MAP2K5: variants seen among roughly 807,000 people sequenced by gnomAD.
The protein encoded by MAP2K5 is dual specificity mitogen-activated protein kinase kinase 5.
MAP2K5 carries 49 observed loss-of-function variants against 83.1 expected under a neutral mutation model. The ratio of observed to expected loss-of-function variants is 0.59; its 90% CI spans 0.47 to 0.75. The LOEUF (loss-of-function observed/expected upper bound fraction) is 0.75, where lower values mean the gene tolerates loss of function less well. Ranked by LOEUF, MAP2K5 falls within the 30% of genes least tolerant of loss-of-function variation. The probability of loss-of-function intolerance (pLI) is 0.00; values close to 1 mark genes in which losing one functional copy is unlikely to be tolerated. For missense variants in MAP2K5, 457 were observed against 557.5 expected, an observed-to-expected ratio of 0.82 and a Z score of 1.82; for synonymous variants, 202 against 191.8, an observed-to-expected ratio of 1.05 and a Z score of -0.44.
At chr15:67,600,508 G>C (rs932623704) in intron 7 of MAP2K5, among the ~76,000 whole-genome samples, 177 bp from the exon 8 acceptor site, 3 of 151,994 alleles carry the variant, frequency 2.0e-5, no homozygotes, top group African/African-American at 7.3e-5. Context: ...CCATCACTTC[G>C]TCCCTTGGTA....
Position 67,559,070 on chromosome 15 carries a change from C to T in MAP2K5, c.185-4213C>T, listed in dbSNP as rs114318942. Among the ~76,000 whole-genome samples the T allele has an allele frequency of 9.4e-3, 1,429 of 152,316 alleles. 28 individuals are homozygous for T. Among genetic ancestry groups the T allele is most frequent in the African/African-American group, 0.033 (1,353 of 41,566 alleles). On this transcript the variant is annotated intron_variant, in intron 2 of 21. Transcript: ENST00000178640. The surrounding 1 kb of genome is among the most constrained non-coding windows in gnomAD (Gnocchi z 4.7). Reference sequence around the variant, plus strand: ...CTGGTCCTGCCCACGTCATTAACTCCGTGCCTGAGAAGGGCTTTAAACATG... The same window carrying T: ...CTGGTCCTGCCCACGTCATTAACTCTGTGCCTGAGAAGGGCTTTAAACATG...
chr15:67,792,850 G>T (rs1188939804), intron 21 of MAP2K5, among the ~76,000 whole-genome samples: 1 of 152,184 alleles, frequency 6.6e-6, no homozygotes, highest in African/African-American at 2.4e-5. Context: ...TGAATTCAGA[G>T]GATCGGCAAG....
At chr15:67,583,842 G>A (rs1365078809) in intron 4 of MAP2K5, among the ~76,000 whole-genome samples, 1 of 152,106 alleles carries the variant, frequency 6.6e-6, no homozygotes. Flanking sequence ...TATGTCCCCA[G>A]GCTGGAGCAG....
At chr15:67,762,946 T>C (rs2089976835) in intron 19 of MAP2K5, among the ~76,000 whole-genome samples, 1 of 152,182 alleles carries the variant, frequency 6.6e-6, no homozygotes, top group Admixed American at 6.5e-5. Context: ...CCAGACCCAG[T>C]GGACAGAACG....
chr15:67,773,141 T>C (rs958432235), intron 21 of MAP2K5, among the ~76,000 whole-genome samples: 1 of 152,196 alleles, frequency 6.6e-6, no homozygotes, highest in Non-Finnish European at 1.5e-5. Flanking sequence ...TCCTCTTAGA[T>C]TCATGTAGAA....
intron 11 of MAP2K5, among the ~76,000 whole-genome samples, chr15:67,654,310 T>C (rs1193101655): frequency 6.6e-6 from 1 of 152,220 alleles, no homozygotes; most frequent in Admixed American, 6.5e-5. Context: ...TATTTAACAA[T>C]AGTTATCTAA....
At position 67,717,801 on chromosome 15, in the gene MAP2K5, C is replaced by T. The variant is rs918288675; in HGVS notation, c.1045-10115C>T. ...TCTCCCATCTCCCCTTCATGGCTAG[C>T]TTAGACTTCCTTTGTGGTGCCTGGT... On this transcript the variant is annotated intron_variant, in intron 16 of 21. Coordinates refer to ENST00000178640, the MANE Select transcript of MAP2K5 (RefSeq NM_145160.3). The surrounding 1 kb of genome is among the most constrained non-coding windows in gnomAD (Gnocchi z 4.1). 6.6e-6 allele frequency among the ~76,000 whole-genome samples: 1 copy of T among 152,136 alleles called. No homozygotes were observed. The highest frequency in any genetic ancestry group is 6.5e-5 in the Admixed American group (1 of 15,286).
intron 16 of MAP2K5, among the ~76,000 whole-genome samples, chr15:67,704,893 A>C (rs1328217482): frequency 1.3e-5 from 2 of 152,230 alleles, no homozygotes; most frequent in Non-Finnish European, 2.9e-5. Flanking sequence ...CATGGTGTAG[A>C]GATAAGAATC....
At chr15:67,669,307 G>A (rs761942685) in intron 13 of MAP2K5, among the ~76,000 whole-genome samples, 1 of 152,050 alleles carries the variant, frequency 6.6e-6, no homozygotes, top group Admixed American at 6.6e-5. Context: ...TGTGTTAGAG[G>A]GTTGTTAATA....
At chr15:67,560,832 T>A (rs1182564215) in intron 2 of MAP2K5, among the ~76,000 whole-genome samples, 1 of 152,248 alleles carries the variant, frequency 6.6e-6, no homozygotes, top group Non-Finnish European at 1.5e-5. Flanking sequence ...AGGTTCAAGC[T>A]CTAGCTTTGA....
At chr15:67,645,885 G>A (rs562231920) in intron 9 of MAP2K5, among the ~76,000 whole-genome samples, 1 of 152,228 alleles carries the variant, frequency 6.6e-6, no homozygotes, top group African/African-American at 2.4e-5. Context: ...TGGTTTGAGG[G>A]TCATTCCTAT....
chr15:67,797,317 C>T (rs1372281883), intron 21 of MAP2K5, among the ~76,000 whole-genome samples: 2 of 152,184 alleles, frequency 1.3e-5, no homozygotes, highest in Non-Finnish European at 2.9e-5. Flanking sequence ...TGTATTCCTT[C>T]GGAGGTTTCT....
chr15:67,671,813 TC>T (rs1339386306), intron 13 of MAP2K5, among the ~76,000 whole-genome samples: 2 of 66,876 alleles, frequency 3.0e-5, no homozygotes, highest in African/African-American at 1.2e-4. Flanking sequence ...CCCTCCCCCC[TC>T]CCCCCACCCC....
Position 67,668,005 on chromosome 15 carries a change from G to A in MAP2K5, c.847+3360G>A, listed in dbSNP as rs2087429525. Among the ~76,000 whole-genome samples, 1 of 152,156 alleles carries A rather than the reference G, an allele frequency of 6.6e-6. No homozygotes were observed. Among genetic ancestry groups the A allele is most frequent in the Admixed American group, 6.6e-5 (1 of 15,256 alleles). On this transcript the variant is annotated intron_variant, in intron 13 of 21. Transcript: ENST00000178640. This position sits in a 1 kb window ranked among gnomAD's most constrained non-coding sequence, Gnocchi z 4.0. ...TAGTCTGGTAAAAGTTAGTTTATTT[G>A]ATAGTATATTATGTTAACTGGAAAT...
At chr15:67,651,355 A>G (rs1290355442) in intron 11 of MAP2K5, among the ~76,000 whole-genome samples, 1 of 152,240 alleles carries the variant, frequency 6.6e-6, no homozygotes, top group Non-Finnish European at 1.5e-5. Context: ...GACCACAAAC[A>G]TTTATCATTT....
intron 2 of MAP2K5, among the ~76,000 whole-genome samples, chr15:67,553,679 C>T (rs550163385): frequency 5.9e-5 from 9 of 151,464 alleles, no homozygotes; most frequent in East Asian, 3.9e-4. Flanking sequence ...TTTGGGAGGC[C>T]GAGGCAGGTG....
intron 11 of MAP2K5, among the ~76,000 whole-genome samples, chr15:67,656,132 C>G (rs1032075609): frequency 6.6e-6 from 1 of 152,036 alleles, no homozygotes; most frequent in South Asian, 2.1e-4. Flanking sequence ...TTTGGAATCA[C>G]GAGCAAAAAG....
chr15:67,635,300 G>A (rs1046336139), intron 9 of MAP2K5, among the ~76,000 whole-genome samples: 1 of 149,778 alleles, frequency 6.7e-6, no homozygotes, highest in Non-Finnish European at 1.5e-5. Flanking sequence ...TCAGCCTCCC[G>A]AGTAGCTGGG....
chr15:67,673,722 G>A (rs1212727493), intron 13 of MAP2K5, among the ~76,000 whole-genome samples: 4 of 152,088 alleles, frequency 2.6e-5, no homozygotes, highest in Non-Finnish European at 5.9e-5. Flanking sequence ...AAGATAATTT[G>A]CATAAAGCTT....
Sources: gnomAD v4.1 joint callset for allele counts (sites outside exome capture counted in the v4.1 genomes callset) on GRCh38, gnomAD v4.1.1 for gene constraint, Gnocchi (gnomAD v3.1) non-coding constraint, MANE v1.5 for transcripts, NCBI Gene and HGNC (gene_info 2026-07-23, HGNC 2026-07-21) for gene names.